WDR41: variants seen among roughly 807,000 people sequenced by gnomAD.
WDR41 encodes WD repeat-containing protein 41.
WDR41 carries 63 observed loss-of-function variants against 69.3 expected under a neutral mutation model. The observed-to-expected ratio is 0.91, with a 90% CI of 0.74 to 1.12. The LOEUF is 1.12. WDR41 is among the 50% of genes most tolerant of loss of function. WDR41 has a pLI of 0.00. For synonymous variants in WDR41, 185 were observed against 192.1 expected (o/e 0.96, Z 0.31); for missense variants, 543 against 534.5 (o/e 1.02, Z -0.16).
intron 1 of WDR41, among the ~76,000 whole-genome samples, chr5:77,539,664 C>G (rs1743053681): frequency 1.3e-5 from 2 of 152,182 alleles, no homozygotes; most frequent in African/African-American, 4.8e-5. Context: ...CTCTAAGCCT[C>G]TGTTTCCTGT....
At chr5:77,516,652 A>G (rs190531802) in intron 1 of WDR41, among the ~76,000 whole-genome samples, 65 of 152,254 alleles carry the variant, frequency 4.3e-4, no homozygotes, top group Non-Finnish European at 6.6e-4. Flanking sequence ...AGACAATAGC[A>G]CCTATGTTCA....
intron 1 of WDR41, among the ~76,000 whole-genome samples, chr5:77,506,909 A>T (rs561491520): frequency 6.6e-6 from 1 of 152,236 alleles, no homozygotes; most frequent in Non-Finnish European, 1.5e-5. Flanking sequence ...TGGGGGAGGG[A>T]TAGCATTAGG....
chr5:77,598,686 T>C (rs1744269509), intron 1 of WDR41, among the ~76,000 whole-genome samples: 1 of 150,642 alleles, frequency 6.6e-6, no homozygotes, highest in South Asian at 2.1e-4. Flanking sequence ...TGAGTTGAGT[T>C]GTCTGACATT....
At position 77,477,127 on chromosome 5, in the gene WDR41, T is replaced by A. The variant is rs542587478; in HGVS notation, c.168-12318A>T. Among the ~76,000 whole-genome samples the A allele has an allele frequency of 2.4e-3, 349 of 147,406 alleles. 1 individual carries two copies. The highest frequency in any genetic ancestry group is 8.8e-3 in the African/African-American group (330 of 37,440). On this transcript the variant is annotated intron_variant, in intron 2 of 12. Coordinates refer to ENST00000296679, the MANE Select transcript of WDR41 (RefSeq NM_018268.4). ...TCAATTCAACAAGAAGAGCTAACTA[T>A]CCTAAATATATATGCACCCAATACA...
chr5:77,544,441 A>C (rs1743151738), intron 1 of WDR41, among the ~76,000 whole-genome samples: 1 of 152,048 alleles, frequency 6.6e-6, no homozygotes, highest in South Asian at 2.1e-4. Context: ...ATACATAAGG[A>C]CTCACACAAA....
chr5:77,615,687 CAAAAAA>C (rs10695519), intron 1 of WDR41, among the ~76,000 whole-genome samples: 16 of 79,392 alleles, frequency 2.0e-4, no homozygotes, highest in East Asian at 9.0e-4. Flanking sequence ...TACTGCAAGT[CAAAAAA>C]AAAAAAAAAA....
At chr5:77,491,198 A>C (rs769152336) in intron 1 of WDR41, 3 of 407,034 alleles carry the variant, frequency 7.4e-6, no homozygotes, top group South Asian at 5.1e-5. Context: ...ATTACCTTGT[A>C]AAAGTCCTTT....
chr5:77,595,702 C>T (rs1191441775), intron 1 of WDR41, among the ~76,000 whole-genome samples: 2 of 152,176 alleles, frequency 1.3e-5, no homozygotes, highest in Non-Finnish European at 2.9e-5. Context: ...ATGGGTTGCA[C>T]ATTTCCACAA....
At chr5:77,467,453 C>T (rs931254284) in intron 2 of WDR41, among the ~76,000 whole-genome samples, 3 of 151,972 alleles carry the variant, frequency 2.0e-5, no homozygotes, top group Non-Finnish European at 4.4e-5. Flanking sequence ...AAATCTAAGA[C>T]ATCAATTGTA....
rs1799546623 is a variant in WDR41, at chr5:77,449,745, A to C, written c.697+15T>G. 2.6e-6 allele frequency: 4 copies of C among 1,555,060 alleles called. No individual in the cohort carries two copies. The highest frequency in any genetic ancestry group is 3.5e-6 in the Non-Finnish European group (4 of 1,127,350). On this transcript the variant is annotated intron_variant, in intron 8 of 12. Coordinates refer to ENST00000296679, the MANE Select transcript of WDR41 (RefSeq NM_018268.4). Reference sequence around the variant, plus strand: ...GCACAAAACTGTACATAATAAATGTACACAATGAGCTTACCATTGACATTA... The same window carrying C: ...GCACAAAACTGTACATAATAAATGTCCACAATGAGCTTACCATTGACATTA...
chr5:77,523,736 C>T (rs550828599), intron 1 of WDR41, among the ~76,000 whole-genome samples: 1 of 151,574 alleles, frequency 6.6e-6, no homozygotes, highest in Admixed American at 6.6e-5. Flanking sequence ...ATAACCATGC[C>T]GAAAAGAAAA....
chr5:77,489,688 T>G (rs567631917), intron 1 of WDR41, 116 bp from the exon 2 acceptor site: 1 of 533,122 alleles, frequency 1.9e-6, no homozygotes, highest in Non-Finnish European at 3.2e-6. Context: ...CACAAGATTT[T>G]AAAAGCCTTA....
intron 1 of WDR41, among the ~76,000 whole-genome samples, chr5:77,555,463 C>T (rs1275697533): frequency 6.6e-6 from 1 of 152,132 alleles, no homozygotes; most frequent in East Asian, 1.9e-4. Context: ...TGCACACCAC[C>T]ACACCCAGCT....
intron 1 of WDR41, among the ~76,000 whole-genome samples, chr5:77,502,351 C>A (rs1238265828): frequency 6.6e-6 from 1 of 151,942 alleles, no homozygotes; most frequent in Non-Finnish European, 1.5e-5. Context: ...ACCAAAGCCT[C>A]CGAGAAATAT....
At chr5:77,565,049 T>TG (rs765106301) in intron 1 of WDR41, among the ~76,000 whole-genome samples, 19 of 152,206 alleles carry the variant, frequency 1.2e-4, no homozygotes, top group Non-Finnish European at 2.2e-4. Flanking sequence ...AATGAGGCAG[T>TG]GGGCTCCCAG....
At chr5:77,449,575 T>C (rs1799539670) in intron 8 of WDR41, among the ~76,000 whole-genome samples, 185 bp downstream of exon 8, 1 of 152,182 alleles carries the variant, frequency 6.6e-6, no homozygotes, top group South Asian at 2.1e-4. Flanking sequence ...CCCTAAATCT[T>C]AGACCTAGCA....
intron 1 of WDR41, among the ~76,000 whole-genome samples, chr5:77,599,745 T>C (rs1744291146): frequency 6.6e-6 from 1 of 152,108 alleles, no homozygotes; most frequent in African/African-American, 2.4e-5. Flanking sequence ...AGCTATTTGT[T>C]GGTGGTGGGA....
chr5:77,468,436 C>A (rs1299119734), intron 2 of WDR41, among the ~76,000 whole-genome samples: 1 of 152,166 alleles, frequency 6.6e-6, no homozygotes, highest in Admixed American at 6.5e-5. Context: ...CTTTGAACAT[C>A]TCTGAGAAAG....
intron 1 of WDR41, among the ~76,000 whole-genome samples, chr5:77,556,206 C>T (rs1206903587): frequency 1.4e-5 from 2 of 145,516 alleles, no homozygotes; most frequent in East Asian, 4.2e-4. Flanking sequence ...CGGGTTCAAG[C>T]AATTCTCCTG....
Sources: gnomAD v4.1 joint callset for allele counts (sites outside exome capture counted in the v4.1 genomes callset) on GRCh38, gnomAD v4.1.1 for gene constraint, MANE v1.5 for transcripts, NCBI Gene and HGNC (gene_info 2026-07-23, HGNC 2026-07-21) for gene names.